TMC1: variants seen among roughly 807,000 people sequenced by gnomAD.
TMC1 encodes transmembrane channel like 1.
TMC1 carries 84 observed loss-of-function variants against 105.8 expected under a neutral mutation model. The ratio of observed to expected loss-of-function variants is 0.79; its 90% CI spans 0.67 to 0.95. TMC1 has a LOEUF of 0.95. TMC1 is among the 40% of genes least tolerant of loss of function. The probability of loss-of-function intolerance (pLI) is 0.00; values close to 1 mark genes in which losing one functional copy is unlikely to be tolerated. For missense variants in TMC1, 817 were observed against 914.1 expected, an observed-to-expected ratio of 0.89 and a Z score of 1.37; for synonymous variants, 315 against 311.5, an observed-to-expected ratio of 1.01 and a Z score of -0.12.
At chr9:72,716,862 T>A (rs1174420991) in intron 8 of TMC1, among the ~76,000 whole-genome samples, 8 of 152,078 alleles carry the variant, frequency 5.3e-5, no homozygotes, top group Admixed American at 2.0e-4. Context: ...GGCAGCCCAG[T>A]TTTGTGTTGG....
At chr9:72,799,944 A>T (rs555525656) in intron 17 of TMC1, among the ~76,000 whole-genome samples, 2 of 152,314 alleles carry the variant, frequency 1.3e-5, no homozygotes, top group Admixed American at 1.3e-4. Context: ...ATGTAACAGC[A>T]GAAGCAGAGG....
intron 5 of TMC1, among the ~76,000 whole-genome samples, chr9:72,677,969 A>G (rs1243843834): frequency 6.6e-6 from 1 of 152,154 alleles, no homozygotes; most frequent in Non-Finnish European, 1.5e-5. Context: ...CATGTAAAGA[A>G]TAACATTGAT....
At position 72,532,478 on chromosome 9, in the gene TMC1, T is replaced by A. The variant is rs1364528115; in HGVS notation, c.-428+10565T>A. On this transcript the variant is annotated intron_variant, in intron 1 of 23. Coordinates refer to ENST00000297784, the MANE Select transcript of TMC1 (RefSeq NM_138691.3). ...ATCGCTTGAATCTGGGAGGCAGAGG[T>A]TGCAGTGAGCCGAGATCGTGCCACT... Among the ~76,000 whole-genome samples the A allele has an allele frequency of 3.1e-5, 4 of 128,672 alleles. No homozygotes were observed. In the Admixed American group the frequency reaches 3.7e-4, roughly 12 times the overall value. 84.4% of individuals were successfully genotyped at this position (128,672 alleles called of 152,430 possible). A position where few individuals can be genotyped will look rare whatever the true frequency, so the allele number is the denominator to read the frequency against.
intron 13 of TMC1, among the ~76,000 whole-genome samples, chr9:72,777,197 A>C (rs1244020907): frequency 6.6e-6 from 1 of 152,126 alleles, no homozygotes; most frequent in Non-Finnish European, 1.5e-5. Flanking sequence ...GTTTACCCAG[A>C]CAGTTATGAC....
At chr9:72,594,710 A>C (rs1180401806) in intron 2 of TMC1, among the ~76,000 whole-genome samples, 1 of 151,958 alleles carries the variant, frequency 6.6e-6, no homozygotes, top group African/African-American at 2.4e-5. Context: ...TCTATTTTAT[A>C]TTCTCTCATA....
intron 20 of TMC1, among the ~76,000 whole-genome samples, chr9:72,825,194 CA>C (rs1369240043): frequency 6.6e-6 from 1 of 152,138 alleles, no homozygotes; most frequent in East Asian, 1.9e-4. Flanking sequence ...CTAGAAGAGA[CA>C]CAGGGTTAAG....
intron 5 of TMC1, among the ~76,000 whole-genome samples, chr9:72,668,873 C>T (rs973894881): frequency 5.3e-5 from 8 of 152,174 alleles, no homozygotes; most frequent in Admixed American, 3.3e-4. Flanking sequence ...CAAAGAACAG[C>T]TTGTGTGAGA....
At chr9:72,628,723 G>A (rs544692669) in intron 4 of TMC1, among the ~76,000 whole-genome samples, 111 of 151,874 alleles carry the variant, frequency 7.3e-4, no homozygotes, top group African/African-American at 2.7e-3. Flanking sequence ...AATTAATGAG[G>A]CAAACAAAAA....
chr9:72,560,714 G>A (rs775090822), intron 1 of TMC1, among the ~76,000 whole-genome samples: 6 of 151,830 alleles, frequency 4.0e-5, no homozygotes, highest in Non-Finnish European at 8.8e-5. Flanking sequence ...TAGCCAGGAT[G>A]GTCTCTTGAT....
intron 2 of TMC1, among the ~76,000 whole-genome samples, chr9:72,583,771 G>A (rs565294534): frequency 1.0e-3 from 153 of 152,012 alleles, no homozygotes; most frequent in Non-Finnish European, 1.3e-3. Context: ...CTTTCTCCTT[G>A]GTATTGATCT....
At chr9:72,830,396 T>C in intron 21 of TMC1, 55 bp from the exon 22 acceptor site, 1 of 1,167,904 alleles carries the variant, frequency 8.6e-7, no homozygotes, top group Non-Finnish European at 1.3e-6. Flanking sequence ...ATTTAAGAAG[T>C]ATCTTGGGGA....
intron 13 of TMC1, among the ~76,000 whole-genome samples, chr9:72,780,059 A>G (rs540358907): frequency 6.6e-6 from 1 of 152,322 alleles, no homozygotes; most frequent in African/African-American, 2.4e-5. Flanking sequence ...CTAATGGCAG[A>G]CCTTTCAGCA....
At chr9:72,659,540 A>G (rs1276030821) in intron 5 of TMC1, among the ~76,000 whole-genome samples, 1 of 152,318 alleles carries the variant, frequency 6.6e-6, no homozygotes, top group East Asian at 1.9e-4. Flanking sequence ...TGGGTGAGGC[A>G]TGAGAATCAC....
intron 1 of TMC1, among the ~76,000 whole-genome samples, chr9:72,541,497 G>A (rs1321247950): frequency 2.0e-5 from 3 of 152,132 alleles, no homozygotes; most frequent in Admixed American, 2.0e-4. Context: ...AGACCAGCCT[G>A]ACAAATATGA....
At chr9:72,550,723 A>T (rs2132071743) in intron 1 of TMC1, among the ~76,000 whole-genome samples, 1 of 152,004 alleles carries the variant, frequency 6.6e-6, no homozygotes, top group East Asian at 1.9e-4. Flanking sequence ...GGGGGTAAAA[A>T]GGCTGGTGGG....
intron 6 of TMC1, among the ~76,000 whole-genome samples, chr9:72,688,981 T>C: frequency 6.6e-6 from 1 of 152,094 alleles, no homozygotes; most frequent in Non-Finnish European, 1.5e-5. Flanking sequence ...GATTGCTTGC[T>C]GAAAAATCAA....
intron 1 of TMC1, among the ~76,000 whole-genome samples, chr9:72,560,021 C>G (rs1044890378): frequency 3.3e-5 from 5 of 152,244 alleles, no homozygotes; most frequent in Non-Finnish European, 7.4e-5. Flanking sequence ...TTAGAAGGAG[C>G]CTCTGGGCCT....
intron 2 of TMC1, among the ~76,000 whole-genome samples, chr9:72,597,301 C>T (rs1461861858): frequency 6.6e-6 from 1 of 152,166 alleles, no homozygotes; most frequent in Non-Finnish European, 1.5e-5. Flanking sequence ...CCTTGCCAAG[C>T]AGGTCAGCGG....
chr9:72,762,672 A>G (rs1403997364), intron 12 of TMC1, among the ~76,000 whole-genome samples: 2 of 152,130 alleles, frequency 1.3e-5, no homozygotes, highest in African/African-American at 4.8e-5. Flanking sequence ...CTCTTTCCCT[A>G]GTAGCAGAGA....
Sources: allele counts gnomAD v4.1 joint callset (sites outside exome capture counted in the v4.1 genomes callset), GRCh38; gene constraint gnomAD v4.1.1; transcripts MANE v1.5; gene names NCBI Gene and HGNC (gene_info 2026-07-23, HGNC 2026-07-21).